SIRT1: variants seen among roughly 807,000 people sequenced by gnomAD.
SIRT1 encodes NAD-dependent protein deacetylase sirtuin-1.
SIRT1 carries 24 observed loss-of-function variants against 67.9 expected under a neutral mutation model. That is an observed-to-expected ratio of 0.35 (90% CI 0.26 to 0.50). SIRT1 has a LOEUF of 0.50. Among genes scored for constraint, SIRT1 ranks in the 20% least tolerant of loss-of-function variants. The pLI, the probability that SIRT1 is intolerant of heterozygous loss-of-function variation, is 0.98. For missense variants in SIRT1, 873 were observed against 937.2 expected (o/e 0.93, Z 0.89); for synonymous variants, 378 against 350.7 (o/e 1.08, Z -0.87).
In SIRT1 at chr10:67,885,159, G is replaced by C; in HGVS notation, c.430+8G>C. ...CGGCGATTGGGTACCGAGGTGCGCA[G>C]GGTGCGGGCGGCCGGAACTGCGCAT... On this transcript the variant is annotated splice_region_variant and intron_variant, in intron 1 of 8. Coordinates refer to ENST00000212015, the MANE Select transcript of SIRT1 (RefSeq NM_012238.5). The C allele has an allele frequency of 1.5e-6, 2 of 1,378,546 alleles. No individual in the cohort carries two copies. The highest frequency in any genetic ancestry group is 1.9e-6 in the Non-Finnish European group (2 of 1,058,328). 85.4% of individuals were successfully genotyped at this position (1,378,546 alleles called of 1,614,324 possible). A position where few individuals can be genotyped will look rare whatever the true frequency, so the allele number is the denominator to read the frequency against.
At chr10:67,892,825 C>T (rs1434859387) in intron 4 of SIRT1, among the ~76,000 whole-genome samples, 23 of 152,192 alleles carry the variant, frequency 1.5e-4, no homozygotes, top group Non-Finnish European at 1.5e-5. Context: ...TGGTGTTGAA[C>T]TCCTGACTTC....
chr10:67,910,069 G>C (rs190343672), intron 7 of SIRT1, among the ~76,000 whole-genome samples: 1 of 148,412 alleles, frequency 6.7e-6, no homozygotes, highest in African/African-American at 2.6e-5. Context: ...CATTTTGATG[G>C]GGGGTGGAGG....
At position 67,909,457 on chromosome 10, in the gene SIRT1, G is replaced by A; in HGVS notation, c.1357+15G>A. The A allele has an allele frequency of 1.3e-6, 2 of 1,592,022 alleles. No individual in the cohort carries two copies. The highest frequency in any genetic ancestry group is 2.3e-5 in the South Asian group (2 of 87,042). The stretch of plus-strand genomic sequence containing the variant: ...ACTAATTCCAAGTAAGTTGGTGATG[G>A]TTTTTGGAGAACATTTCTATATATA... On this transcript the variant is annotated intron_variant, in intron 7 of 8. Coordinates refer to ENST00000212015, the MANE Select transcript of SIRT1 (RefSeq NM_012238.5).
chr10:67,890,124 TG>T, intron 3 of SIRT1, among the ~76,000 whole-genome samples: 1 of 152,138 alleles, frequency 6.6e-6, no homozygotes, highest in East Asian at 1.9e-4. Context: ...GGCAGGATCT[TG>T]GCTCACTGCA....
At chr10:67,893,502 A>G (rs1394060577) in intron 4 of SIRT1, among the ~76,000 whole-genome samples, 2 of 149,708 alleles carry the variant, frequency 1.3e-5, no homozygotes, top group Non-Finnish European at 3.0e-5. Context: ...AGTTGTGAAT[A>G]GGGACTTCTT....
At position 67,884,799 on chromosome 10, in the gene SIRT1, G is replaced by T. The variant is rs1268799781; in HGVS notation, c.78G>T (p.Ser26=). 54 of 1,223,808 alleles carry T rather than the reference G, an allele frequency of 4.4e-5. No homozygotes were observed. Among genetic ancestry groups the T allele is most frequent in the Non-Finnish European group, 4.5e-5 (44 of 982,898 alleles). The allele number at this position is 1,223,808 out of a possible 1,614,324, so 75.8% of individuals were successfully genotyped here. A position where few individuals can be genotyped will look rare whatever the true frequency, so the allele number is the denominator to read the frequency against. ...SAAGADREAA[S]SPAGEPLRKR... ...CGGGGGCCGACAGGGAGGCCGCGTC[G>T]TCCCCCGCCGGGGAGCCGCTCCGCA... The change falls in exon 1 of 9, where the codon TCG becomes TCT. Residue 26 remains serine, a synonymous_variant. Transcript: ENST00000212015.
At chr10:67,886,106 C>G (rs1008936730) in intron 1 of SIRT1, among the ~76,000 whole-genome samples, 1 of 151,828 alleles carries the variant, frequency 6.6e-6, no homozygotes, top group African/African-American at 2.4e-5. Flanking sequence ...CCACGCCCAG[C>G]TAATTTTTGT....
intron 4 of SIRT1, chr10:67,906,107 A>G: frequency 7.9e-7 from 1 of 1,269,000 alleles, no homozygotes; most frequent in East Asian, 3.1e-5. Flanking sequence ...ACCAAAATTG[A>G]TACTTTTTCT....
chr10:67,912,323 T>A, intron 7 of SIRT1, 151 bp from the exon 8 acceptor site: 1 of 647,376 alleles, frequency 1.5e-6, no homozygotes, highest in South Asian at 2.1e-5. Context: ...TGATGAAATG[T>A]AATGGCTTGG....
At chr10:67,885,264 C>T (rs1014597779) in intron 1 of SIRT1, 113 bp downstream of exon 1, 12 of 1,247,354 alleles carry the variant, frequency 9.6e-6, no homozygotes, top group East Asian at 9.5e-5. Flanking sequence ...CGCGGCGTTC[C>T]CCTCCCCACC....
chr10:67,911,049 G>T (rs1037663126), intron 7 of SIRT1, among the ~76,000 whole-genome samples: 34 of 152,166 alleles, frequency 2.2e-4, no homozygotes, highest in Non-Finnish European at 4.7e-4. Flanking sequence ...AGTTAACTCA[G>T]TCTTACCTAA....
At chr10:67,909,175 A>T in intron 6 of SIRT1, 81 bp from the exon 7 acceptor site, 2 of 881,454 alleles carry the variant, frequency 2.3e-6, no homozygotes, top group Non-Finnish European at 1.7e-6. Flanking sequence ...ATGTATTCTT[A>T]GAGGTATGGA....
intron 1 of SIRT1, among the ~76,000 whole-genome samples, chr10:67,887,115 G>A (rs762911303): frequency 6.6e-6 from 1 of 151,984 alleles, no homozygotes. Flanking sequence ...CAGGTGATCC[G>A]CCTGCCTCGG....
intron 1 of SIRT1, 44 bp from the exon 2 acceptor site, chr10:67,887,373 G>A: frequency 8.4e-7 from 1 of 1,193,912 alleles, no homozygotes; most frequent in Non-Finnish European, 1.2e-6. Flanking sequence ...CATTTTAGGT[G>A]CATGTTGTTT....
Position 67,887,485 on chromosome 10 carries a change from A to G in SIRT1, c.499A>G (p.Arg167Gly). ...TTCCTGTGAAAGTGATGAGGAGGAT[A>G]GAGCCTCACATGCAAGCTCTAGTGA... ...FHSCESDEED[R>G]ASHASSSDWT... The change falls in exon 2 of 9, where the codon AGA (arginine) becomes GGA (glycine). Residue 167 changes from arginine (R) to glycine (G), a missense_variant. Physicochemically the swap from Arg to Gly is moderately radical, Grantham distance 125. Around this residue, in one of 3 missense-constraint regions of SIRT1, gnomAD observed 327 missense variants for 283.9 expected, o/e 1.15. Transcript: ENST00000212015. The G allele has an allele frequency of 6.2e-7, 1 of 1,613,896 alleles. No homozygotes were observed. The highest frequency in any genetic ancestry group is 2.2e-5 in the East Asian group (1 of 44,866).
At chr10:67,914,902 T>C (rs1287570294) in intron 8 of SIRT1, among the ~76,000 whole-genome samples, 1 of 150,616 alleles carries the variant, frequency 6.6e-6, no homozygotes, top group African/African-American at 2.4e-5. Context: ...TTTTTTTTAG[T>C]TTTTGTAGAA....
At chr10:67,910,270 G>A (rs1480952072) in intron 7 of SIRT1, among the ~76,000 whole-genome samples, 1 of 152,084 alleles carries the variant, frequency 6.6e-6, no homozygotes, top group Non-Finnish European at 1.5e-5. Flanking sequence ...AGCTACTTGG[G>A]AGGTTGGGGC....
chr10:67,893,193 A>ATAG (rs1842600826), intron 4 of SIRT1, among the ~76,000 whole-genome samples: 1 of 152,220 alleles, frequency 6.6e-6, no homozygotes, highest in African/African-American at 2.4e-5. Context: ...ATTTGTTAAC[A>ATAG]TAGGTATACA....
chr10:67,908,407 TC>T, intron 6 of SIRT1, among the ~76,000 whole-genome samples: 1 of 152,330 alleles, frequency 6.6e-6, no homozygotes, highest in South Asian at 2.1e-4. Flanking sequence ...TAGTAGTTTT[TC>T]TCCTTCCTCT....
Sources: gnomAD v4.1 joint callset for allele counts (sites outside exome capture counted in the v4.1 genomes callset) on GRCh38, gnomAD v4.1.1 for gene constraint, gnomAD v4.1.1 regional missense constraint, MANE v1.5 for transcripts, NCBI Gene and HGNC (gene_info 2026-07-23, HGNC 2026-07-21) for gene names.